ATP8B4: variants seen among roughly 807,000 people sequenced by gnomAD.
The protein encoded by ATP8B4 is probable phospholipid-transporting ATPase IM.
In ATP8B4, 133 loss-of-function variants were observed where a neutral mutation model predicts 145.6. The observed-to-expected ratio is 0.91, with a 90% confidence interval of 0.79 to 1.05. ATP8B4 has a LOEUF of 1.05. Among genes scored for constraint, ATP8B4 ranks in the 50% least tolerant of loss-of-function variants. ATP8B4 has a pLI of 0.00. For synonymous variants in ATP8B4, 507 were observed against 492.9 expected, an observed-to-expected ratio of 1.03 and a Z score of -0.38; for missense variants, 1,458 against 1,425.2, an observed-to-expected ratio of 1.02 and a Z score of -0.37.
At chr15:50,105,173 G>A (rs150007718) in intron 2 of ATP8B4, among the ~76,000 whole-genome samples, 2,771 of 150,308 alleles carry the variant, frequency 0.018, 90 homozygotes, top group African/African-American at 0.065. Context: ...GGTGATGGGT[G>A]CACCAAATCT....
chr15:50,085,375 G>A (rs1164566988), intron 2 of ATP8B4, among the ~76,000 whole-genome samples: 1 of 152,134 alleles, frequency 6.6e-6, no homozygotes, highest in Non-Finnish European at 1.5e-5. Context: ...AGATGGTGCT[G>A]CTCGGAACCA....
At chr15:49,866,231 T>G in intron 26 of ATP8B4, 115 bp downstream of exon 26, 1 of 1,413,754 alleles carries the variant, frequency 7.1e-7, no homozygotes, top group Non-Finnish European at 9.5e-7. Flanking sequence ...GCTCAAACAA[T>G]TTCTGGACAA....
At chr15:50,016,885 A>C (rs764231378) in intron 6 of ATP8B4, among the ~76,000 whole-genome samples, 5 of 152,270 alleles carry the variant, frequency 3.3e-5, no homozygotes, top group African/African-American at 1.2e-4. Context: ...CAGCTTTGCT[A>C]TCAATATCTT....
At chr15:49,903,983 CTGGAGCTTTGAGCTTG>C (rs1018128278) in intron 20 of ATP8B4, among the ~76,000 whole-genome samples, 1 of 152,106 alleles carries the variant, frequency 6.6e-6, no homozygotes, top group African/African-American at 2.4e-5. Flanking sequence ...GATATGAAAG[CTGGAGCTTTGAGCTTG>C]GAACCTGGAA....
intron 1 of ATP8B4, among the ~76,000 whole-genome samples, chr15:50,159,959 C>T (rs906514840): frequency 1.4e-5 from 2 of 140,658 alleles, no homozygotes; most frequent in Admixed American, 7.3e-5. Context: ...TAGTTTGAGT[C>T]GGATTGATAT....
intron 2 of ATP8B4, among the ~76,000 whole-genome samples, chr15:50,085,032 ATC>A (rs2054806732): frequency 6.6e-6 from 1 of 151,108 alleles, no homozygotes; most frequent in East Asian, 2.0e-4. Context: ...CGCAAGTCTT[ATC>A]TCTCTCTCCT....
At position 49,923,264 on chromosome 15, in the gene ATP8B4, A is replaced by G. The variant is rs1201169636; in HGVS notation, c.1758+115T>C. On this transcript the variant is annotated intron_variant, in intron 17 of 27. Coordinates refer to ENST00000284509, the MANE Select transcript of ATP8B4 (RefSeq NM_024837.4). ...ACAGCTTCCTGTGGAACCATTCTCCAGATGCTTTCTATTTCAGTAGTCAAA... is the reference window on the plus strand; with the variant it reads ...ACAGCTTCCTGTGGAACCATTCTCCGGATGCTTTCTATTTCAGTAGTCAAA... 24 of 755,224 alleles carry G rather than the reference A, an allele frequency of 3.2e-5. No homozygotes were observed. In the Admixed American group the frequency reaches 6.7e-4, roughly 21 times the overall value. The allele number at this position is 755,224 out of a possible 1,614,324, so 46.8% of individuals were successfully genotyped here.
intron 1 of ATP8B4, among the ~76,000 whole-genome samples, chr15:50,180,099 C>T (rs1170815037): frequency 1.3e-5 from 2 of 152,292 alleles, no homozygotes; most frequent in Admixed American, 6.5e-5. Flanking sequence ...CATGGGTGAG[C>T]GCTGATTGGC....
intron 6 of ATP8B4, among the ~76,000 whole-genome samples, chr15:50,030,256 T>C (rs1395924950): frequency 1.3e-5 from 2 of 152,300 alleles, no homozygotes; most frequent in East Asian, 3.9e-4. Context: ...CATAAACCTA[T>C]TCTTTTAAAA....
chr15:49,956,112 A>G (rs1188135690), intron 14 of ATP8B4, among the ~76,000 whole-genome samples: 1 of 152,202 alleles, frequency 6.6e-6, no homozygotes, highest in East Asian at 1.9e-4. Flanking sequence ...GACTTCTGGA[A>G]TGTACAATAT....
chr15:50,151,921 T>C (rs976033975), intron 1 of ATP8B4, among the ~76,000 whole-genome samples: 2 of 152,142 alleles, frequency 1.3e-5, no homozygotes, highest in Admixed American at 6.5e-5. Context: ...TTGTAAACTA[T>C]AGACAGCTTA....
At chr15:49,891,079 A>G (rs2036738595) in intron 23 of ATP8B4, among the ~76,000 whole-genome samples, 2 of 152,172 alleles carry the variant, frequency 1.3e-5, no homozygotes, top group Admixed American at 6.5e-5. Flanking sequence ...TGGAAAGTGT[A>G]TGAGGGGAGG....
Position 50,087,297 on chromosome 15 carries a change from A to G in ATP8B4, c.29-13112T>C, listed in dbSNP as rs1321465370. ...ATATAATAGAATAATATATAGATCT[A>G]TATCTATTATATATAATAGATATAG... On this transcript the variant is annotated intron_variant, in intron 2 of 27. Transcript: ENST00000284509. Among the ~76,000 whole-genome samples the G allele has an allele frequency of 3.0e-5, 4 of 132,418 alleles. No homozygotes were observed. In the East Asian group the frequency reaches 9.0e-4, roughly 30 times the overall value. The allele number at this position is 132,418 out of a possible 152,430, so 86.9% of individuals were successfully genotyped here.
chr15:50,044,620 C>T lies in ATP8B4; in HGVS notation c.274G>A (p.Ala92Thr), dbSNP rs1233635981. The change falls in exon 5 of 28, where the codon GCT (alanine) becomes ACT (threonine). Residue 92 changes from alanine (A) to threonine (T), a missense_variant. Coordinates refer to ENST00000284509, the MANE Select transcript of ATP8B4 (RefSeq NM_024837.4). ...TAGTCATCTGTGGCATCTTTGACAG[C>T]TGTCATAGTTATCACCAGGACCAAA... The part of the protein sequence containing the change: ...VPLVLVITMT[A>T]VKDATDDYFR... 9 of 1,612,420 alleles carry T rather than the reference C, an allele frequency of 5.6e-6. No homozygotes were observed. The East Asian group carries it at 1.6e-4, about 28-fold the overall frequency.
intron 4 of ATP8B4, among the ~76,000 whole-genome samples, chr15:50,046,440 C>G (rs977735548): frequency 6.6e-6 from 1 of 152,106 alleles, no homozygotes; most frequent in Non-Finnish European, 1.5e-5. Flanking sequence ...GAAAGAGAAG[C>G]CACATCCTGA....
At chr15:49,928,266 G>T (rs988151582) in intron 16 of ATP8B4, among the ~76,000 whole-genome samples, 2 of 152,060 alleles carry the variant, frequency 1.3e-5, no homozygotes, top group South Asian at 2.1e-4. Context: ...GTTATTTGGA[G>T]AATAGAAAAA....
chr15:49,952,790 G>A (rs982189611), intron 14 of ATP8B4, among the ~76,000 whole-genome samples: 7 of 151,918 alleles, frequency 4.6e-5, no homozygotes, highest in Non-Finnish European at 1.0e-4. Context: ...TAGCCTTTTG[G>A]GTTTTCAGCA....
At chr15:49,953,285 C>A (rs1035104837) in intron 14 of ATP8B4, among the ~76,000 whole-genome samples, 1 of 152,142 alleles carries the variant, frequency 6.6e-6, no homozygotes, top group Non-Finnish European at 1.5e-5. Flanking sequence ...TCTGGGCTGC[C>A]TAGATTCCTC....
At chr15:49,948,207 G>A (rs2042743798) in intron 14 of ATP8B4, among the ~76,000 whole-genome samples, 1 of 151,728 alleles carries the variant, frequency 6.6e-6, no homozygotes, top group African/African-American at 2.4e-5. Flanking sequence ...GGGAGGTCGA[G>A]GCGGCAGATC....
Sources: gnomAD v4.1 joint callset for allele counts (sites outside exome capture counted in the v4.1 genomes callset) on GRCh38, gnomAD v4.1.1 for gene constraint, MANE v1.5 for transcripts, NCBI Gene and HGNC (gene_info 2026-07-23, HGNC 2026-07-21) for gene names.